The following ABCC11 variants were observed in gnomAD, a reference collection of about 807,000 sequenced individuals.
ABCC11 encodes the protein ATP binding cassette subfamily C member 11.
Under a neutral mutation model 149.3 loss-of-function variants are expected in ABCC11, and 135 were observed. The ratio of observed to expected loss-of-function variants is 0.90; its 90% CI spans 0.79 to 1.04. The LOEUF is 1.04. ABCC11 is among the 50% of genes least tolerant of loss of function. ABCC11 has a pLI of 0.00. For missense variants in ABCC11, 1,680 were observed against 1,722.1 expected, an observed-to-expected ratio of 0.98 and a Z score of 0.43; for synonymous variants, 665 against 671.4, an observed-to-expected ratio of 0.99 and a Z score of 0.15.
chr16:48,172,160 C>T (rs1434747963), intron 26 of ABCC11, among the ~76,000 whole-genome samples: 1 of 152,222 alleles, frequency 6.6e-6, no homozygotes, highest in Non-Finnish European at 1.5e-5. Flanking sequence ...TGTCTGGCAT[C>T]TTTCACTTCG....
Position 48,211,204 on chromosome 16 carries a change from A to G in ABCC11, c.1357-5T>C. On this transcript the variant is annotated splice_polypyrimidine_tract_variant and splice_region_variant and intron_variant, in intron 10 of 29. Transcript: ENST00000356608. The stretch of plus-strand genomic sequence containing the variant: ...GCTCTCCTGGAGGAAAAACTTCTGT[A>G]AAGACAGAAAAAAATAGAGGGAGGA... 6.2e-7 allele frequency: 1 copy of G among 1,612,658 alleles called. No homozygotes were observed. The highest frequency in any genetic ancestry group is 8.5e-7 in the Non-Finnish European group (1 of 1,179,340).
At chr16:48,176,266 G>C (rs2150732226) in intron 25 of ABCC11, among the ~76,000 whole-genome samples, 1 of 152,272 alleles carries the variant, frequency 6.6e-6, no homozygotes, top group East Asian at 1.9e-4. Flanking sequence ...GGCAGCTCTG[G>C]GGTGCCCAGG....
intron 26 of ABCC11, among the ~76,000 whole-genome samples, chr16:48,173,368 C>T (rs997379598): frequency 1.3e-5 from 2 of 152,192 alleles, no homozygotes; most frequent in African/African-American, 4.8e-5. Flanking sequence ...AGTCCCCTTC[C>T]TCTCTAAGTT....
chr16:48,244,054 A>G (rs192110527), intron 1 of ABCC11, among the ~76,000 whole-genome samples: 1 of 152,018 alleles, frequency 6.6e-6, no homozygotes, highest in East Asian at 1.9e-4. Context: ...AAACACTTCA[A>G]GTATATGTAA....
intron 6 of ABCC11, among the ~76,000 whole-genome samples, chr16:48,219,904 C>T (rs1304532144): frequency 6.6e-6 from 1 of 152,142 alleles, no homozygotes; most frequent in Non-Finnish European, 1.5e-5. Context: ...TCGCTTGAAC[C>T]CAGAAGGCAG....
At position 48,170,190 on chromosome 16, in the gene ABCC11, G is replaced by A. The variant is rs1404305430; in HGVS notation, c.3806C>T (p.Thr1269Ile). The change falls in exon 28 of 30, where the codon ACA becomes ATA. Residue 1269 changes from threonine (T) to isoleucine (I), a missense_variant. Coordinates refer to ENST00000356608, the MANE Select transcript of ABCC11 (RefSeq NM_001370497.1). The stretch of plus-strand genomic sequence containing the variant: ...GTTTCCACCGTTTTCCACCACATCT[G>A]TATGCAGCTTTTTGGGGAACTTTGA... ...AISKFPKKLH[T>I]DVVENGGNFS... 1.2e-6 allele frequency: 2 copies of A among 1,613,964 alleles called. No homozygotes were observed. Among genetic ancestry groups the A allele is most frequent in the Non-Finnish European group, 1.7e-6 (2 of 1,179,968 alleles).
Position 48,216,287 on chromosome 16 carries a change from C to T in ABCC11, c.778G>A (p.Ala260Thr). Residue 260 changes from alanine (A) to threonine (T), a missense_variant and splice_region_variant, in exon 7 of 30, where the codon GCC becomes ACC. Coordinates refer to ENST00000356608, the MANE Select transcript of ABCC11 (RefSeq NM_001370497.1). ...KSVIHITSGE[A>T]ISFFTGDVNY... is the part of the protein sequence containing the mutation. ...ACATCACCGGTGAAGAAGCTGATGG[C>T]CTGCAAGACAGCAAGTTGATGGGCA... The T allele has an allele frequency of 6.2e-7, 1 of 1,612,098 alleles. No individual in the cohort carries two copies. The highest frequency in any genetic ancestry group is 8.5e-7 in the Non-Finnish European group (1 of 1,179,398).
In ABCC11 at chr16:48,208,324, T is replaced by C. The variant is rs143048960; in HGVS notation, c.1680+101A>G. On this transcript the variant is annotated intron_variant, in intron 12 of 29. Transcript: ENST00000356608. The stretch of plus-strand genomic sequence containing the variant: ...TAAAAATCCCACTTGCTCAGACCCC[T>C]GTGAGGAAGAAAGCAGTGGGGGGCC... The C allele has an allele frequency of 2.0e-3, 2,644 of 1,292,482 alleles. 39 individuals are homozygous for C. In the African/African-American group the frequency reaches 0.035, roughly 17 times the overall value. The allele number at this position is 1,292,482 out of a possible 1,614,324, so 80.1% of individuals were successfully genotyped here.
intron 7 of ABCC11, 22 bp downstream of exon 7, chr16:48,216,092 G>T: frequency 6.2e-7 from 1 of 1,610,372 alleles, no homozygotes; most frequent in Admixed American, 1.7e-5. Flanking sequence ...AGCATCAAAT[G>T]GGTGACAGAG....
At chr16:48,210,020 G>A (rs1024793512) in intron 11 of ABCC11, 1 of 152,248 alleles carries the variant, frequency 6.6e-6, no homozygotes, top group African/African-American at 2.4e-5. Flanking sequence ...TGGGGCAGAT[G>A]TGGAAGTCAA....
chr16:48,222,534 G>A (rs1969812158), intron 6 of ABCC11, 64 bp downstream of exon 6: 2 of 1,406,250 alleles, frequency 1.4e-6, no homozygotes, highest in Non-Finnish European at 1.0e-6. Context: ...TGGCCCCCAG[G>A]GCAGTTATGT....
rs373925892 is a variant in ABCC11 at position 48,170,236 on chromosome 16, G to A, written c.3778-18C>T. ...TTTGAGATCTGCGATATGGGAAGAA[G>A]AGACAACATAACCTGGAAGCCACTG... On this transcript the variant is annotated intron_variant, in intron 27 of 29. Coordinates refer to ENST00000356608, the MANE Select transcript of ABCC11 (RefSeq NM_001370497.1). The A allele has an allele frequency of 2.5e-6, 4 of 1,599,536 alleles. No individual in the cohort carries two copies. Among genetic ancestry groups the A allele is most frequent in the Non-Finnish European group, 2.6e-6 (3 of 1,166,986 alleles).
chr16:48,205,207 C>A (rs963001244), intron 13 of ABCC11, among the ~76,000 whole-genome samples: 7 of 152,198 alleles, frequency 4.6e-5, no homozygotes, highest in African/African-American at 1.7e-4. Context: ...TGACTTCGGG[C>A]AAATTATTTA....
chr16:48,229,072 T>A (rs936615982), intron 3 of ABCC11, among the ~76,000 whole-genome samples: 11 of 152,288 alleles, frequency 7.2e-5, no homozygotes, highest in African/African-American at 2.4e-4. Flanking sequence ...TACCCTTTCA[T>A]ATCCTCACAG....
chr16:48,170,338 C>T (rs944039438), intron 27 of ABCC11, 120 bp from the exon 28 acceptor site: 1 of 776,186 alleles, frequency 1.3e-6, no homozygotes, highest in African/African-American at 1.7e-5. Flanking sequence ...ACGCTCCAGC[C>T]TCTGTTTTCT....
chr16:48,183,305 G>A (rs72802154), intron 23 of ABCC11, among the ~76,000 whole-genome samples: 2 of 152,346 alleles, frequency 1.3e-5, no homozygotes, highest in African/African-American at 2.4e-5. Context: ...GGGCCTTCAC[G>A]GATGCCCCTT....
At position 48,187,703 on chromosome 16, in the gene ABCC11, T is replaced by A. The variant is rs528362708; in HGVS notation, c.2707-276A>T. Among the ~76,000 whole-genome samples, 3 of 152,326 alleles carry A rather than the reference T, an allele frequency of 2.0e-5. No individual in the cohort carries two copies. In the East Asian group the frequency reaches 5.8e-4, roughly 29 times the overall value. ...ATGAAAACGATGCTTCACAGAGTTG[T>A]AGTGAGGATCACACAACTCCTCAAA... On this transcript the variant is annotated intron_variant, in intron 20 of 29. Transcript: ENST00000356608.
intron 14 of ABCC11, among the ~76,000 whole-genome samples, chr16:48,200,842 T>C (rs1373451848): frequency 6.6e-6 from 1 of 152,280 alleles, no homozygotes; most frequent in South Asian, 2.1e-4. Context: ...AGGATGACTA[T>C]AGCTAACAAC....
intron 4 of ABCC11, among the ~76,000 whole-genome samples, 185 bp from the exon 5 acceptor site, chr16:48,224,614 G>A (rs1969953470): frequency 6.6e-6 from 1 of 152,160 alleles, no homozygotes; most frequent in South Asian, 2.1e-4. Context: ...TTTGTTTCAT[G>A]TCTCTTCCCT....
Sources: gnomAD v4.1 joint callset for allele counts (sites outside exome capture counted in the v4.1 genomes callset) on GRCh38, gnomAD v4.1.1 for gene constraint, MANE v1.5 for transcripts, NCBI Gene and HGNC (gene_info 2026-07-23, HGNC 2026-07-21) for gene names.